Variants in NRXN2 observed in about 807,000 individuals in gnomAD.
NRXN2 encodes the protein neurexin-2-beta.
In NRXN2, 29 loss-of-function variants were observed where a neutral mutation model predicts 128.8. The observed-to-expected ratio is 0.23, with a 90% CI of 0.17 to 0.31. NRXN2 has a LOEUF of 0.31. Ranked by LOEUF, NRXN2 falls within the 10% of genes least tolerant of loss-of-function variation. The pLI is 1.00. For synonymous variants in NRXN2, 1,098 were observed against 1,075.2 expected, an observed-to-expected ratio of 1.02 and a Z score of -0.41; for missense variants, 1,881 against 2,452.6, an observed-to-expected ratio of 0.77 and a Z score of 4.92.
At chr11:64,634,948 C>T (rs938029633) in intron 18 of NRXN2, among the ~76,000 whole-genome samples, 4 of 152,160 alleles carry the variant, frequency 2.6e-5, no homozygotes, top group African/African-American at 9.7e-5. Flanking sequence ...CCGAAGGCTA[C>T]AGGAGAATGG....
intron 21 of NRXN2, 79 bp from the exon 22 acceptor site, chr11:64,620,451 C>T (rs1312297791): frequency 5.4e-6 from 6 of 1,119,148 alleles, no homozygotes; most frequent in East Asian, 2.6e-5. Context: ...TTGAGGTGCA[C>T]GGTGGCACGG....
chr11:64,720,103 C>T (rs1467503751), intron 1 of NRXN2, among the ~76,000 whole-genome samples: 4 of 152,204 alleles, frequency 2.6e-5, no homozygotes, highest in Admixed American at 6.5e-5. Flanking sequence ...CCATTTCACA[C>T]GTGAGGAAAC....
intron 5 of NRXN2, chr11:64,688,417 G>A (rs1319718424): frequency 3.0e-6 from 3 of 985,310 alleles, no homozygotes; most frequent in African/African-American, 3.5e-5. Context: ...ACCCGAAGAT[G>A]GTGAGGAGAG....
intron 6 of NRXN2, 74 bp from the exon 7 acceptor site, chr11:64,677,111 C>A: frequency 9.5e-7 from 1 of 1,050,554 alleles, no homozygotes; most frequent in East Asian, 2.4e-5. Context: ...AACAAAAGAA[C>A]AGAATGAAAA....
chr11:64,704,876 T>G (rs920121593), intron 2 of NRXN2, among the ~76,000 whole-genome samples: 2 of 152,150 alleles, frequency 1.3e-5, no homozygotes, highest in African/African-American at 4.8e-5. Context: ...TTAAATCAAG[T>G]TCCAGCTATT....
In NRXN2 at chr11:64,681,097, CA is replaced by C. The variant is rs59532747; in HGVS notation, c.1153-4061del. Among the ~76,000 whole-genome samples, 500 of 66,656 alleles carry C rather than the reference CA, an allele frequency of 7.5e-3. 1 individual carries two copies. Among genetic ancestry groups the C allele is most frequent in the African/African-American group, 0.019 (343 of 17,794 alleles). The allele number at this position is 66,656 out of a possible 152,430, so 43.7% of individuals were successfully genotyped here. A position where few individuals can be genotyped will look rare whatever the true frequency, so the allele number is the denominator to read the frequency against. On this transcript the variant is annotated intron_variant, in intron 6 of 22. Transcript: ENST00000265459. The stretch of plus-strand genomic sequence containing the variant: ...GAGAGACAAAGTGAGACTCTATCTC[CA>C]AAAAAAAAAAAAAAAAGTAAAAAAA...
chr11:64,656,368 CA>C (rs1016434822), intron 11 of NRXN2, among the ~76,000 whole-genome samples: 9 of 102,466 alleles, frequency 8.8e-5, no homozygotes, highest in African/African-American at 4.7e-4. Context: ...CGTTTGATTC[CA>C]AGGGGCAGAA....
chr11:64,672,766 AG>A (rs1331505670), intron 7 of NRXN2, among the ~76,000 whole-genome samples: 1 of 152,118 alleles, frequency 6.6e-6, no homozygotes, highest in African/African-American at 2.4e-5. Context: ...AGTCCTGCTA[AG>A]GGTTTGGGTT....
In NRXN2 at chr11:64,667,599, T is replaced by A. The variant is rs1470413283; in HGVS notation, c.1449A>T (p.Ser483=). The A allele has an allele frequency of 1.9e-6, 3 of 1,614,216 alleles. No individual in the cohort carries two copies. Among genetic ancestry groups the A allele is most frequent in the Non-Finnish European group, 1.7e-6 (2 of 1,180,038 alleles). The change falls in exon 9 of 23, where the codon TCA becomes TCT. Residue 483 remains serine (S), a synonymous_variant. Coordinates refer to ENST00000265459, the MANE Select transcript of NRXN2 (RefSeq NM_015080.4). This position sits in a 1 kb window ranked among gnomAD's most constrained non-coding sequence, Gnocchi z 5.6. ...DPKMKLQGDL[S]FRCEDVAALD... is the part of the protein sequence containing the mutation. ...GGGCAGCCACATCCTCACAGCGGAA[T>A]GACAAGTCCCCCTGCAGCTTCATCT...
intron 22 of NRXN2, among the ~76,000 whole-genome samples, chr11:64,614,552 G>A (rs200339315): frequency 6.6e-6 from 1 of 152,224 alleles, no homozygotes; most frequent in East Asian, 1.9e-4. Context: ...AGACAAAGGA[G>A]AGGGGAGTCT....
chr11:64,628,339 T>C (rs894266754), intron 19 of NRXN2, among the ~76,000 whole-genome samples: 4 of 152,170 alleles, frequency 2.6e-5, no homozygotes, highest in African/African-American at 9.7e-5. Context: ...TCAGAATCCA[T>C]GGGCTGTGTC....
rs2047302849 is a variant in NRXN2 at position 64,650,432 on chromosome 11, G to C, written c.3109+16C>G. 6.2e-7 allele frequency: 1 copy of C among 1,613,822 alleles called. No individual in the cohort carries two copies. Among genetic ancestry groups the C allele is most frequent in the Admixed American group, 1.7e-5 (1 of 60,008 alleles). ...CTGGGCTAGGGCCAGGCCTTCTCCA[G>C]AGGCCCCAGCCCCACCTTTGAGATC... On this transcript the variant is annotated intron_variant, in intron 15 of 22. Coordinates refer to ENST00000265459, the MANE Select transcript of NRXN2 (RefSeq NM_015080.4).
At chr11:64,712,663 G>A (rs1429011364) in intron 2 of NRXN2, 1 of 553,978 alleles carries the variant, frequency 1.8e-6, no homozygotes, top group African/African-American at 1.9e-5. Flanking sequence ...CCAAGCCCAC[G>A]GGGCTTCATG....
rs2039953119 is a variant in NRXN2, at chr11:64,607,963, C to T, written c.4372G>A (p.Ala1458Thr). 1.9e-6 allele frequency: 3 copies of T among 1,539,742 alleles called. No homozygotes were observed. Among genetic ancestry groups the T allele is most frequent in the East Asian group, 2.4e-5 (1 of 41,338 alleles). Residue 1458 changes from alanine (A) to threonine (T), a missense_variant, in exon 23 of 23, where the codon GCC (alanine) becomes ACC (threonine). This residue lies in a region of NRXN2 where 310 missense variants were observed against 318.2 expected (regional missense o/e 0.97). Transcript: ENST00000265459. ...GGCGGGGGCAGCGTGTCTTGGGTGG[C>T]GCCCACTCCCGTGAGGAAGGGGTAG... is the stretch of plus-strand genomic sequence containing the variant. ...TFYPFLTGVGATQDTLPPPAA... is the reference protein window; with the variant it reads ...TFYPFLTGVGTTQDTLPPPAA...
chr11:64,642,996 G>C, intron 17 of NRXN2: 2 of 1,010,440 alleles, frequency 2.0e-6, no homozygotes, highest in Non-Finnish European at 2.4e-6. Context: ...TCGGGGGTCC[G>C]CGGAGCGGCA....
intron 3 of NRXN2, among the ~76,000 whole-genome samples, chr11:64,693,148 G>A (rs2054055196): frequency 6.7e-6 from 1 of 150,042 alleles, no homozygotes; most frequent in Non-Finnish European, 1.5e-5. Flanking sequence ...AGGGGCGTCA[G>A]AGAGGGTGAG....
Position 64,667,211 on chromosome 11 carries a change from G to A in NRXN2, c.1798+39C>T. 2.5e-6 allele frequency: 4 copies of A among 1,602,362 alleles called. No homozygotes were observed. Among genetic ancestry groups the A allele is most frequent in the Non-Finnish European group, 2.6e-6 (3 of 1,169,856 alleles). ...AGGATGTCAGGGCAGATGGAAAGGG[G>A]TGGCCCATGGAAGGGGAAGGGTCCA... On this transcript the variant is annotated intron_variant, in intron 9 of 22. Coordinates refer to ENST00000265459, the MANE Select transcript of NRXN2 (RefSeq NM_015080.4). This position sits in a 1 kb window ranked among gnomAD's most constrained non-coding sequence, Gnocchi z 5.6.
At chr11:64,643,657 A>C (rs1218107142) in intron 17 of NRXN2, among the ~76,000 whole-genome samples, 2 of 150,030 alleles carry the variant, frequency 1.3e-5, no homozygotes, top group South Asian at 2.1e-4. Flanking sequence ...GGGCGGAGGG[A>C]CCAGAGCGGC....
intron 15 of NRXN2, among the ~76,000 whole-genome samples, chr11:64,650,213 C>A (rs978975091): frequency 1.4e-4 from 21 of 152,102 alleles, no homozygotes; most frequent in Admixed American, 5.2e-4. Context: ...CCACCAAGCA[C>A]CCTGTGAGAC....
Sources: allele counts gnomAD v4.1 joint callset (sites outside exome capture counted in the v4.1 genomes callset), GRCh38; gene constraint gnomAD v4.1.1; regional missense constraint gnomAD v4.1.1; non-coding constraint Gnocchi (gnomAD v3.1); transcripts MANE v1.5; gene names NCBI Gene and HGNC (gene_info 2026-07-23, HGNC 2026-07-21).